CPEB1: variants seen among roughly 807,000 people sequenced by gnomAD.
The protein encoded by CPEB1 is cytoplasmic polyadenylation element binding protein 1.
In CPEB1, 7 loss-of-function variants were observed where a neutral mutation model predicts 65.8. The ratio of observed to expected loss-of-function variants is 0.11; its 90% CI spans 0.06 to 0.20. The LOEUF (loss-of-function observed/expected upper bound fraction) is 0.20, where lower values mean the gene tolerates loss of function less well. Among genes scored for constraint, CPEB1 ranks in the 10% least tolerant of loss-of-function variants. The pLI, the probability that CPEB1 is intolerant of heterozygous loss-of-function variation, is 1.00. For synonymous variants in CPEB1, 262 were observed against 260.0 expected, an observed-to-expected ratio of 1.01 and a Z score of -0.08; for missense variants, 551 against 712.2, an observed-to-expected ratio of 0.77 and a Z score of 2.58.
chr15:82,574,722 C>CAAAAAAAAAAAAAAAAAAAAAAAAA (rs534968367), intron 3 of CPEB1, among the ~76,000 whole-genome samples: 1 of 53,506 alleles, frequency 1.9e-5, no homozygotes, highest in African/African-American at 7.3e-5. Flanking sequence ...GACTCGGTCT[C>CAAAAAAAAAAAAAAAAAAAAAAAAA]AAAAAAAAAA....
chr15:82,598,978 T>C (rs1178007318), intron 3 of CPEB1, among the ~76,000 whole-genome samples: 1 of 152,146 alleles, frequency 6.6e-6, no homozygotes, highest in Non-Finnish European at 1.5e-5. Flanking sequence ...TTAACTCTTA[T>C]ATCTGAGGAA....
At chr15:82,644,109 C>T (rs587706080) in intron 1 of CPEB1, among the ~76,000 whole-genome samples, 16 of 152,360 alleles carry the variant, frequency 1.1e-4, no homozygotes, top group Non-Finnish European at 2.2e-4. Flanking sequence ...GATCAGCTAA[C>T]TGCTCTGACA....
chr15:82,615,281 G>A (rs1441449187), intron 3 of CPEB1, among the ~76,000 whole-genome samples: 3 of 152,114 alleles, frequency 2.0e-5, no homozygotes, highest in Admixed American at 6.5e-5. Flanking sequence ...AAATAAACAC[G>A]AAGAGCCAAG....
chr15:82,572,804 C>T (rs1020232325), intron 3 of CPEB1, among the ~76,000 whole-genome samples: 20 of 152,220 alleles, frequency 1.3e-4, no homozygotes, highest in African/African-American at 4.6e-4. Context: ...CTCAGAGGTG[C>T]TGCACAAGAC....
chr15:82,628,106 G>T (rs1336667189), intron 2 of CPEB1: 1 of 669,970 alleles, frequency 1.5e-6, no homozygotes, highest in Admixed American at 2.3e-5. Context: ...CCCCAATAGA[G>T]AGAAGGTCAT....
intron 3 of CPEB1, among the ~76,000 whole-genome samples, chr15:82,595,574 A>C (rs544821701): frequency 6.6e-6 from 1 of 152,322 alleles, no homozygotes; most frequent in South Asian, 2.1e-4. Flanking sequence ...AAACACATTA[A>C]ATCTATGAGT....
chr15:82,597,399 G>C (rs151229218), intron 3 of CPEB1, among the ~76,000 whole-genome samples: 411 of 152,332 alleles, frequency 2.7e-3, no homozygotes, highest in African/African-American at 9.3e-3. Flanking sequence ...CCTGAACAAA[G>C]AGTTAAGTTA....
intron 4 of CPEB1, among the ~76,000 whole-genome samples, chr15:82,558,941 C>T (rs142417955): frequency 8.0e-4 from 102 of 127,810 alleles, no homozygotes; most frequent in African/African-American, 3.1e-3. Context: ...AGGAAAGAAG[C>T]CTTAATTTGA....
chr15:82,593,190 A>G (rs1222458029), intron 3 of CPEB1, among the ~76,000 whole-genome samples: 3 of 152,178 alleles, frequency 2.0e-5, no homozygotes, highest in Non-Finnish European at 4.4e-5. Context: ...TCCTTTCATG[A>G]AAGATTTCTC....
intron 3 of CPEB1, among the ~76,000 whole-genome samples, chr15:82,580,696 C>T (rs1227374285): frequency 6.6e-6 from 1 of 152,066 alleles, no homozygotes; most frequent in Non-Finnish European, 1.5e-5. Context: ...CCTCCTAGCC[C>T]CTGGTTACCA....
chr15:82,565,786 G>A (rs1297977976), intron 4 of CPEB1, among the ~76,000 whole-genome samples: 2 of 152,200 alleles, frequency 1.3e-5, no homozygotes, highest in African/African-American at 2.4e-5. Context: ...GAAAGTCTGA[G>A]GTTTACCAAG....
At chr15:82,598,800 CA>C (rs1180476706) in intron 3 of CPEB1, among the ~76,000 whole-genome samples, 5 of 151,926 alleles carry the variant, frequency 3.3e-5, no homozygotes, top group Non-Finnish European at 7.4e-5. Context: ...CAAAAACAAA[CA>C]AAAAAACCAA....
At chr15:82,629,659 C>G in intron 1 of CPEB1, 1 of 979,516 alleles carries the variant, frequency 1.0e-6, no homozygotes. Flanking sequence ...TTAAGGGGAG[C>G]CTGCCTCATC....
intron 1 of CPEB1, chr15:82,630,038 A>C (rs1173235807): frequency 1.0e-6 from 1 of 985,296 alleles, no homozygotes; most frequent in Non-Finnish European, 1.2e-6. Context: ...GGCCCTTTTC[A>C]CAACTGTAGA....
At chr15:82,600,213 G>A (rs1320991693) in intron 3 of CPEB1, among the ~76,000 whole-genome samples, 6 of 152,142 alleles carry the variant, frequency 3.9e-5, no homozygotes, top group Non-Finnish European at 7.4e-5. Context: ...GAGAGTGACC[G>A]ACTTTTGAAA....
chr15:82,628,584 G>A, intron 1 of CPEB1, 28 bp from the exon 2 acceptor site: 1 of 609,720 alleles, frequency 1.6e-6, no homozygotes, highest in Non-Finnish European at 2.9e-6. Context: ...ATTAGGATTG[G>A]TACCACATAG....
chr15:82,552,275 C>T (rs2036397417), intron 9 of CPEB1, among the ~76,000 whole-genome samples: 1 of 150,020 alleles, frequency 6.7e-6, no homozygotes, highest in Non-Finnish European at 1.5e-5. Context: ...TGCATGCACA[C>T]ACCCCATTAA....
At position 82,557,509 on chromosome 15, in the gene CPEB1, G is replaced by C. The variant is rs917569895; in HGVS notation, c.687+251C>G. On this transcript the variant is annotated intron_variant, in intron 5 of 12. Coordinates refer to ENST00000684509, the MANE Select transcript of CPEB1 (RefSeq NM_001365242.1). ...TTAAGTGTTTTCCAGTACTCTTGGA[G>C]TAGCTAGTAAAATGAGAGTCCTGAG... The C allele has an allele frequency of 1.0e-4, 45 of 445,388 alleles. No homozygotes were observed. The Admixed American group carries it at 1.2e-3, about 12-fold the overall frequency. 27.6% of individuals were successfully genotyped at this position (445,388 alleles called of 1,614,324 possible).
At chr15:82,565,722 G>A (rs2151019410) in intron 4 of CPEB1, among the ~76,000 whole-genome samples, 1 of 152,322 alleles carries the variant, frequency 6.6e-6, no homozygotes, top group East Asian at 1.9e-4. Context: ...AACGGCCAAG[G>A]CCCTGACCTC....
Sources: gnomAD v4.1 joint callset for allele counts (sites outside exome capture counted in the v4.1 genomes callset) on GRCh38, gnomAD v4.1.1 for gene constraint, MANE v1.5 for transcripts, NCBI Gene and HGNC (gene_info 2026-07-23, HGNC 2026-07-21) for gene names.